The following RANBP17 variants were observed in gnomAD, a reference collection of about 807,000 sequenced individuals.
The protein encoded by RANBP17 is ran-binding protein 17.
RANBP17 carries 158 observed loss-of-function variants against 141.2 expected under a neutral mutation model. The observed-to-expected ratio is 1.12, with a 90% CI of 0.98 to 1.28. The LOEUF is 1.28. Among genes scored for constraint, RANBP17 ranks in the 50% most tolerant of loss-of-function variants. RANBP17 has a pLI of 0.00. For missense variants in RANBP17, 1,438 were observed against 1,290.7 expected (o/e 1.11, Z -1.75); for synonymous variants, 430 against 450.0 (o/e 0.96, Z 0.56).
intron 25 of RANBP17, among the ~76,000 whole-genome samples, chr5:171,281,301 G>T (rs1397125631): frequency 1.3e-5 from 2 of 152,214 alleles, no homozygotes; most frequent in African/African-American, 4.8e-5. Context: ...AAATCTCTTA[G>T]GCACCAAGGC....
At chr5:170,981,701 G>C (rs1170844164) in intron 14 of RANBP17, among the ~76,000 whole-genome samples, 1 of 152,092 alleles carries the variant, frequency 6.6e-6, no homozygotes, top group Admixed American at 6.6e-5. Flanking sequence ...TCTCAGGTAT[G>C]TCTTTATCAG....
chr5:170,885,817 T>TTA (rs1769093276), intron 3 of RANBP17, among the ~76,000 whole-genome samples: 1 of 152,128 alleles, frequency 6.6e-6, no homozygotes, highest in Non-Finnish European at 1.5e-5. Context: ...TTAGGTTTAT[T>TTA]AGATCTTGAA....
At chr5:171,220,199 C>T (rs940567380) in intron 21 of RANBP17, among the ~76,000 whole-genome samples, 2 of 152,084 alleles carry the variant, frequency 1.3e-5, no homozygotes, top group Non-Finnish European at 2.9e-5. Flanking sequence ...ATCCTGTTTG[C>T]CTGGGTATCA....
chr5:170,865,528 C>A (rs561296951), intron 1 of RANBP17, among the ~76,000 whole-genome samples: 4 of 152,172 alleles, frequency 2.6e-5, no homozygotes, highest in African/African-American at 7.2e-5. Flanking sequence ...ACTCGCATTC[C>A]CAGAGCAGCT....
chr5:171,107,954 G>A (rs1754967085), intron 14 of RANBP17, among the ~76,000 whole-genome samples: 1 of 152,144 alleles, frequency 6.6e-6, no homozygotes. Flanking sequence ...TCAGTTTCAG[G>A]TTTCTGGATG....
chr5:170,943,939 G>A (rs921923427), intron 12 of RANBP17, among the ~76,000 whole-genome samples: 1 of 152,064 alleles, frequency 6.6e-6, no homozygotes, highest in Non-Finnish European at 1.5e-5. Context: ...TAGTCCTCAT[G>A]CTGTACATTA....
chr5:170,893,890 G>A (rs1369177708), intron 4 of RANBP17, among the ~76,000 whole-genome samples: 2 of 152,078 alleles, frequency 1.3e-5, no homozygotes, highest in African/African-American at 2.4e-5. Context: ...TCATGGTTGA[G>A]TATGGGCAAT....
At chr5:171,159,917 C>CAAAAA (rs1175963382) in intron 14 of RANBP17, among the ~76,000 whole-genome samples, 44 of 41,450 alleles carry the variant, frequency 1.1e-3, no homozygotes, top group East Asian at 2.0e-3. Flanking sequence ...GACTCCATCT[C>CAAAAA]AAAAAAAAAA....
At chr5:170,975,673 C>A (rs1044424191) in intron 14 of RANBP17, among the ~76,000 whole-genome samples, 4 of 152,160 alleles carry the variant, frequency 2.6e-5, no homozygotes, top group Non-Finnish European at 5.9e-5. Context: ...ACTAATCCCC[C>A]TTATAATTCT....
At chr5:171,257,613 C>T (rs1029104693) in intron 24 of RANBP17, among the ~76,000 whole-genome samples, 1 of 152,098 alleles carries the variant, frequency 6.6e-6, no homozygotes, top group Non-Finnish European at 1.5e-5. Flanking sequence ...AAGTGAAAGT[C>T]AAATTGTCCT....
chr5:171,146,743 A>G (rs918962875), intron 14 of RANBP17, among the ~76,000 whole-genome samples: 7 of 152,304 alleles, frequency 4.6e-5, no homozygotes, highest in South Asian at 4.1e-4. Flanking sequence ...ACTTCTACCC[A>G]GGTAATAGTA....
chr5:171,157,607 A>G (rs576721922), intron 14 of RANBP17, among the ~76,000 whole-genome samples: 4 of 152,350 alleles, frequency 2.6e-5, no homozygotes, highest in African/African-American at 4.8e-5. Context: ...TGTATTTACC[A>G]TATTGAATTG....
chr5:170,932,865 A>T (rs1773515013), intron 12 of RANBP17, among the ~76,000 whole-genome samples: 2 of 152,160 alleles, frequency 1.3e-5, no homozygotes, highest in Middle Eastern at 3.4e-3. Context: ...TTGGTCTAAA[A>T]TTCTCTTTTT....
chr5:171,274,112 G>GT (rs1491303939), intron 25 of RANBP17, among the ~76,000 whole-genome samples: 4 of 61,242 alleles, frequency 6.5e-5, no homozygotes, highest in African/African-American at 2.3e-4. Context: ...GTTTGATCAA[G>GT]TGTGTGTGTG....
intron 14 of RANBP17, among the ~76,000 whole-genome samples, chr5:171,080,226 TTACA>T (rs1414934130): frequency 7.2e-6 from 1 of 138,670 alleles, no homozygotes; most frequent in Non-Finnish European, 1.6e-5. Flanking sequence ...ATATATTATC[TTACA>T]TACACACACA....
chr5:171,203,791 C>A (rs904999536), intron 19 of RANBP17, among the ~76,000 whole-genome samples: 6 of 152,082 alleles, frequency 3.9e-5, no homozygotes, highest in South Asian at 4.1e-4. Context: ...CTAATTTAGA[C>A]TTAAATGGTA....
chr5:171,264,854 C>T (rs901526106), intron 24 of RANBP17, among the ~76,000 whole-genome samples: 1 of 152,198 alleles, frequency 6.6e-6, no homozygotes, highest in African/African-American at 2.4e-5. Context: ...AATCCCTCTA[C>T]CTGAAAAGTG....
intron 5 of RANBP17, among the ~76,000 whole-genome samples, chr5:170,907,545 GC>G (rs1771163256): frequency 6.6e-6 from 1 of 151,950 alleles, no homozygotes; most frequent in Admixed American, 6.6e-5. Context: ...TGTAGAAAGT[GC>G]TCAGTACACC....
Position 170,914,174 on chromosome 5 carries a change from G to A in RANBP17, c.768G>A (p.Leu256=). The change falls in exon 8 of 28, where the codon CTG becomes CTA. Residue 256 remains leucine (L), a synonymous_variant. Transcript: ENST00000523189. ...AATAATTTTTTTTCCCAGTTTTCCT[G>A]GAACCAGAAACATTGGATCTTTTCT... The part of the protein sequence containing the change: ...QIPTTWRTIF[L]EPETLDLFFN... The A allele has an allele frequency of 6.2e-7, 1 of 1,605,012 alleles. No homozygotes were observed. The highest frequency in any genetic ancestry group is 1.7e-5 in the Admixed American group (1 of 59,762).
Sources: gnomAD v4.1 joint callset for allele counts (sites outside exome capture counted in the v4.1 genomes callset) on GRCh38, gnomAD v4.1.1 for gene constraint, MANE v1.5 for transcripts, NCBI Gene and HGNC (gene_info 2026-07-23, HGNC 2026-07-21) for gene names.